The following CELF4 variants were observed in gnomAD, a reference collection of about 807,000 sequenced individuals.
CELF4 encodes CUG-BP- and ETR-3-like factor 4.
CELF4 carries 18 observed loss-of-function variants against 59.9 expected under a neutral mutation model. The ratio of observed to expected loss-of-function variants is 0.30; its 90% confidence interval spans 0.21 to 0.45. The LOEUF is 0.45. CELF4 is among the 20% of genes least tolerant of loss of function. The probability of loss-of-function intolerance (pLI) is 1.00; values close to 1 mark genes in which losing one functional copy is unlikely to be tolerated. For missense variants in CELF4, 456 were observed against 689.0 expected (o/e 0.66, Z 3.79); for synonymous variants, 261 against 267.1 (o/e 0.98, Z 0.22).
intron 1 of CELF4, among the ~76,000 whole-genome samples, chr18:37,498,981 T>C (rs2099928419): frequency 6.6e-6 from 1 of 152,172 alleles, no homozygotes; most frequent in Admixed American, 6.5e-5. Context: ...GTAGTAATAG[T>C]TGTGATGTGA....
chr18:37,489,192 A>G (rs2099891086), intron 1 of CELF4, among the ~76,000 whole-genome samples: 1 of 152,264 alleles, frequency 6.6e-6, no homozygotes, highest in African/African-American at 2.4e-5. Context: ...AGCGGCTGAC[A>G]CGCCAGCATG....
chr18:37,274,601 A>G, intron 5 of CELF4, 147 bp from the exon 6 acceptor site: 1 of 1,542,992 alleles, frequency 6.5e-7, no homozygotes, highest in Non-Finnish European at 8.7e-7. Flanking sequence ...ATGAGGTGTG[A>G]ACCCCACCGC....
chr18:37,514,302 C>T (rs1941943), intron 1 of CELF4, among the ~76,000 whole-genome samples: 90,689 of 151,942 alleles, frequency 0.6, 32,536 homozygotes, highest in East Asian at 0.83. Context: ...AGGACGAGGG[C>T]ATTACAATGG....
chr18:37,317,737 G>A (rs2096917440), intron 3 of CELF4, among the ~76,000 whole-genome samples: 1 of 152,178 alleles, frequency 6.6e-6, no homozygotes. Flanking sequence ...GCTCCTGATA[G>A]GACAGTGGCC....
chr18:37,484,071 G>C (rs1218256208), intron 2 of CELF4, among the ~76,000 whole-genome samples: 2 of 151,716 alleles, frequency 1.3e-5, no homozygotes, highest in Non-Finnish European at 2.9e-5. Context: ...TCTGATTCCG[G>C]CTTTTAGCCA....
At chr18:37,563,555 T>C (rs1015071181) in intron 1 of CELF4, among the ~76,000 whole-genome samples, 1 of 152,072 alleles carries the variant, frequency 6.6e-6, no homozygotes, top group Non-Finnish European at 1.5e-5. Flanking sequence ...TACAAAGATA[T>C]GGTTGACTTG....
intron 2 of CELF4, among the ~76,000 whole-genome samples, chr18:37,342,788 G>C (rs1271386264): frequency 6.6e-6 from 1 of 152,228 alleles, no homozygotes; most frequent in African/African-American, 2.4e-5. Flanking sequence ...TGAGCTACAT[G>C]GGACAAAAAC....
At chr18:37,539,915 G>A (rs978706761) in intron 1 of CELF4, among the ~76,000 whole-genome samples, 1 of 152,236 alleles carries the variant, frequency 6.6e-6, no homozygotes, top group Non-Finnish European at 1.5e-5. Context: ...CAGGTCTCAT[G>A]TGCAGCGCAG....
At chr18:37,391,721 T>C (rs1431375678) in intron 2 of CELF4, among the ~76,000 whole-genome samples, 2 of 152,180 alleles carry the variant, frequency 1.3e-5, no homozygotes, top group African/African-American at 4.8e-5. Context: ...GGGCCTTGCA[T>C]AGAGCTTGTT....
chr18:37,551,330 G>A (rs2154605877), intron 1 of CELF4, among the ~76,000 whole-genome samples: 1 of 152,312 alleles, frequency 6.6e-6, no homozygotes, highest in South Asian at 2.1e-4. Context: ...CTGCCCCCCT[G>A]GGCTGAGTTT....
At chr18:37,387,740 C>A (rs2099114706) in intron 2 of CELF4, among the ~76,000 whole-genome samples, 1 of 152,354 alleles carries the variant, frequency 6.6e-6, no homozygotes, top group East Asian at 1.9e-4. Context: ...GCATCCTGAG[C>A]AGATCTTCAT....
chr18:37,551,737 T>G (rs2099983240), intron 1 of CELF4, among the ~76,000 whole-genome samples: 1 of 152,188 alleles, frequency 6.6e-6, no homozygotes, highest in African/African-American at 2.4e-5. Context: ...CCAAGTGGGC[T>G]GCAATTGGGA....
intron 1 of CELF4, among the ~76,000 whole-genome samples, chr18:37,528,776 T>C (rs936671159): frequency 6.6e-6 from 1 of 152,188 alleles, no homozygotes; most frequent in Non-Finnish European, 1.5e-5. Flanking sequence ...GCATGTATTA[T>C]TTTTGTAGTA....
chr18:37,386,999 C>T (rs1425862588), intron 2 of CELF4, among the ~76,000 whole-genome samples: 1 of 152,244 alleles, frequency 6.6e-6, no homozygotes, highest in Non-Finnish European at 1.5e-5. Context: ...CTGGGGCTCT[C>T]TTGGCGATAG....
At chr18:37,271,453 G>A (rs528899086) in intron 7 of CELF4, among the ~76,000 whole-genome samples, 8 of 152,000 alleles carry the variant, frequency 5.3e-5, no homozygotes, top group Middle Eastern at 3.4e-3. Flanking sequence ...TTGGGGTTTC[G>A]CCATGTTGGC....
Position 37,337,153 on chromosome 18 carries a change from G to A in CELF4, c.370-15272C>T, listed in dbSNP as rs566637221. Among the ~76,000 whole-genome samples the A allele has an allele frequency of 5.4e-4, 82 of 152,264 alleles. 1 individual carries two copies. The highest frequency in any genetic ancestry group is 1.9e-3 in the South Asian group (9 of 4,814). On this transcript the variant is annotated intron_variant, in intron 2 of 12. Transcript: ENST00000420428. ...AGAGACACTGGTCAGAAACAGGCCT[G>A]CGGTGGCCCTGGGGTCTGGTGAGCA...
At chr18:37,418,149 T>G (rs1200890465) in intron 2 of CELF4, among the ~76,000 whole-genome samples, 2 of 152,184 alleles carry the variant, frequency 1.3e-5, no homozygotes, top group African/African-American at 4.8e-5. Context: ...CCCCACCAAG[T>G]TGGAAATCCA....
chr18:37,418,474 C>G (rs1801800232), intron 2 of CELF4, among the ~76,000 whole-genome samples: 1 of 152,202 alleles, frequency 6.6e-6, no homozygotes, highest in Admixed American at 6.5e-5. Context: ...TGGCTTCATA[C>G]ACACCCTGCT....
rs958744738 is a variant in CELF4 at position 37,384,035 on chromosome 18, T to A, written c.370-62154A>T. Among the ~76,000 whole-genome samples, 4 of 152,188 alleles carry A rather than the reference T, an allele frequency of 2.6e-5. 1 individual carries two copies. ...ACGGCTCCTCCACTGCTCCCCACGGTGCTGAGCTTGTCCTGCCTCCTGCAT... is the reference window on the plus strand; with the variant it reads ...ACGGCTCCTCCACTGCTCCCCACGGAGCTGAGCTTGTCCTGCCTCCTGCAT... On this transcript the variant is annotated intron_variant, in intron 2 of 12. Transcript: ENST00000420428.
Sources: gnomAD v4.1 joint callset for allele counts (sites outside exome capture counted in the v4.1 genomes callset) on GRCh38, gnomAD v4.1.1 for gene constraint, MANE v1.5 for transcripts, NCBI Gene and HGNC (gene_info 2026-07-23, HGNC 2026-07-21) for gene names.